The following CAST variants were observed in gnomAD, a reference collection of about 807,000 sequenced individuals.
CAST encodes MIR583 host.
In CAST, 76 loss-of-function variants were observed where a neutral mutation model predicts 119.6. That is an observed-to-expected ratio of 0.64 (90% CI 0.53 to 0.77). CAST has a LOEUF of 0.77. Among genes scored for constraint, CAST ranks in the 30% least tolerant of loss-of-function variants. The pLI, the probability that CAST is intolerant of heterozygous loss-of-function variation, is 0.00. For missense variants in CAST, 953 were observed against 946.5 expected (o/e 1.01, Z -0.09); for synonymous variants, 319 against 331.6 (o/e 0.96, Z 0.41).
the CAST span, among the ~76,000 whole-genome samples, chr5:96,171,927 C>G: frequency 6.6e-6 from 1 of 152,210 alleles, no homozygotes; most frequent in Admixed American, 6.5e-5. Context: ...TCCCCACCCC[C>G]CCACGCCCCT....
chr5:96,634,991 T>C (rs577024513), intron 1 of CAST, among the ~76,000 whole-genome samples: 6 of 152,230 alleles, frequency 3.9e-5, no homozygotes, highest in Non-Finnish European at 4.4e-5. Context: ...CAATAGACTG[T>C]GATACAGACT....
the CAST span, among the ~76,000 whole-genome samples, chr5:96,317,667 A>T: frequency 2.0e-5 from 3 of 152,146 alleles, no homozygotes; most frequent in Non-Finnish European, 4.4e-5. Flanking sequence ...GCTTTTAAAC[A>T]AGCCACTTCT....
chr5:96,127,010 C>T, the CAST span, among the ~76,000 whole-genome samples: 149 of 152,142 alleles, frequency 9.8e-4, no homozygotes, highest in African/African-American at 3.3e-3. Flanking sequence ...ATGTTAGGGG[C>T]ATAAGTATGT....
the CAST span, among the ~76,000 whole-genome samples, chr5:96,498,831 A>G: frequency 6.6e-6 from 1 of 152,158 alleles, no homozygotes; most frequent in Non-Finnish European, 1.5e-5. Flanking sequence ...CCAAGGCTAC[A>G]TGGCTCACAT....
the CAST span, among the ~76,000 whole-genome samples, chr5:96,354,602 TC>T: frequency 6.6e-6 from 1 of 151,608 alleles, no homozygotes; most frequent in Non-Finnish European, 1.5e-5. Flanking sequence ...TATTTTCATT[TC>T]TTTGAATAAC....
At chr5:96,102,171 G>A in the CAST span, among the ~76,000 whole-genome samples, 1 of 152,168 alleles carries the variant, frequency 6.6e-6, no homozygotes, top group African/African-American at 2.4e-5. Flanking sequence ...TACTTGGTGG[G>A]TCCTGAGCTC....
chr5:96,597,181 A>G (rs1242172600), intron 1 of CAST, among the ~76,000 whole-genome samples: 1 of 152,230 alleles, frequency 6.6e-6, no homozygotes, highest in Non-Finnish European at 1.5e-5. Context: ...TGAAGAGCAT[A>G]TCAGAAAGCA....
the CAST span, among the ~76,000 whole-genome samples, chr5:96,025,002 T>A: frequency 1.3e-5 from 2 of 152,224 alleles, no homozygotes; most frequent in Admixed American, 1.3e-4. Context: ...TTTCTGCTCC[T>A]GAGTCTCAGT....
intron 1 of CAST, among the ~76,000 whole-genome samples, chr5:96,548,011 T>C (rs1039429370): frequency 7.9e-5 from 12 of 152,180 alleles, no homozygotes; most frequent in African/African-American, 2.9e-4. Flanking sequence ...CAACTTGAGC[T>C]AAGACTCCGT....
At chr5:96,375,219 T>C in the CAST span, among the ~76,000 whole-genome samples, 1 of 152,158 alleles carries the variant, frequency 6.6e-6, no homozygotes, top group South Asian at 2.1e-4. Flanking sequence ...AAGAATCTGA[T>C]AGAGATTTTC....
chr5:96,440,654 T>C, the CAST span, among the ~76,000 whole-genome samples: 4 of 152,214 alleles, frequency 2.6e-5, no homozygotes, highest in East Asian at 1.9e-4. Flanking sequence ...CCAGTCAGAA[T>C]TACTCAATCA....
the CAST span, chr5:96,393,365 T>C: frequency 6.2e-7 from 1 of 1,613,856 alleles, no homozygotes; most frequent in Non-Finnish European, 8.5e-7. Context: ...AGGGTTCTCT[T>C]GTGTGGGCTG....
the CAST span, among the ~76,000 whole-genome samples, chr5:96,270,928 T>C: frequency 1.3e-5 from 2 of 151,838 alleles, no homozygotes; most frequent in Non-Finnish European, 2.9e-5. Flanking sequence ...TAAAATAATT[T>C]AGTAAAGTTG....
chr5:96,424,997 GAGAA>G, the CAST span, among the ~76,000 whole-genome samples: 2 of 100,186 alleles, frequency 2.0e-5, no homozygotes, highest in Admixed American at 1.1e-4. Context: ...AAGAAAGAAA[GAGAA>G]AGAAAGAAAA....
chr5:96,341,130 A>C, the CAST span, among the ~76,000 whole-genome samples: 1 of 152,256 alleles, frequency 6.6e-6, no homozygotes, highest in South Asian at 2.1e-4. Context: ...TGTATCCAGC[A>C]TGTAAATAAT....
the CAST span, among the ~76,000 whole-genome samples, chr5:96,118,907 GCAGGGCAGTCT>G: frequency 6.6e-6 from 1 of 151,730 alleles, no homozygotes; most frequent in Non-Finnish European, 1.5e-5. Context: ...ACTCCAATCA[GCAGGGCAGTCT>G]CACCCTAACT....
At chr5:96,388,888 CATAT>C in the CAST span, among the ~76,000 whole-genome samples, 2 of 151,722 alleles carry the variant, frequency 1.3e-5, no homozygotes. Flanking sequence ...TATATATATA[CATAT>C]ATATACACAC....
intron 1 of CAST, among the ~76,000 whole-genome samples, chr5:96,605,530 C>T (rs1428840990): frequency 2.0e-5 from 3 of 152,204 alleles, no homozygotes; most frequent in Admixed American, 6.5e-5. Context: ...AGAGACAATT[C>T]AGCCTACCTG....
chr5:96,531,002 A>G (rs1219948773), intron 1 of CAST, among the ~76,000 whole-genome samples: 1 of 152,130 alleles, frequency 6.6e-6, no homozygotes, highest in Non-Finnish European at 1.5e-5. Flanking sequence ...CATGTTGCCC[A>G]GGCTGGTCTG....
Sources: gnomAD v4.1 joint callset for allele counts (sites outside exome capture counted in the v4.1 genomes callset) on GRCh38, gnomAD v4.1.1 for gene constraint, MANE v1.5 for transcripts, NCBI Gene and HGNC (gene_info 2026-07-23, HGNC 2026-07-21) for gene names.